ATG2A: variants seen among roughly 807,000 people sequenced by gnomAD.
ATG2A encodes the protein autophagy related 2A, also known as autophagy-related protein 2 homolog A.
Under a neutral mutation model 214.2 loss-of-function variants are expected in ATG2A, and 103 were observed. That is an observed-to-expected ratio of 0.48 (90% CI 0.41 to 0.57). The LOEUF (loss-of-function observed/expected upper bound fraction) is 0.57. Ranked by LOEUF, ATG2A falls within the 20% of genes least tolerant of loss-of-function variation. The probability of loss-of-function intolerance (pLI) is 0.00; values close to 1 mark genes in which losing one functional copy is unlikely to be tolerated. For synonymous variants in ATG2A, 1,160 were observed against 1,142.1 expected, an observed-to-expected ratio of 1.02 and a Z score of -0.32; for missense variants, 2,312 against 2,613.2, an observed-to-expected ratio of 0.88 and a Z score of 2.51.
chr11:64,913,372 TC>T lies in ATG2A; in HGVS notation c.619del (p.Asp207ThrfsTer55), dbSNP rs1021493600. 6.3e-7 allele frequency: 1 copy of T among 1,597,354 alleles called. No homozygotes were observed. Among genetic ancestry groups the T allele is most frequent in the African/African-American group, 1.3e-5 (1 of 74,610 alleles). On this transcript the variant is annotated frameshift_variant, in exon 5 of 41. Coordinates refer to ENST00000377264, the MANE Select transcript of ATG2A (RefSeq NM_015104.3). LOFTEE classifies it high-confidence loss of function. The surrounding 1 kb of genome is among the most constrained non-coding windows in gnomAD (Gnocchi z 4.3). ...RLEYCDEAVR[D>X]PSQAPPVDVH... ...GTCCACCGGCGGCGCCTGGCTTGGG[TC>T]CCGCACTGCCTCATCACAGTACTCC...
Position 64,903,824 on chromosome 11 carries a change from G to C in ATG2A, c.3465-164C>G, listed in dbSNP as rs1313634280. On this transcript the variant is annotated intron_variant, in intron 24 of 40. Transcript: ENST00000377264. This position sits in a 1 kb window ranked among gnomAD's most constrained non-coding sequence, Gnocchi z 4.2. ...GGGGAGAAGGCCCAGACAGCAGGCAGTGGGAAGCGGGCAGCACTTGCAGCT... is the reference window on the plus strand; with the variant it reads ...GGGGAGAAGGCCCAGACAGCAGGCACTGGGAAGCGGGCAGCACTTGCAGCT... 6.6e-6 allele frequency among the ~76,000 whole-genome samples: 1 copy of C among 152,260 alleles called. No homozygotes were observed. The highest frequency in any genetic ancestry group is 6.5e-5 in the Admixed American group (1 of 15,288).
chr11:64,900,824 A>G (rs1590628369), intron 30 of ATG2A, 60 bp downstream of exon 30: 2 of 1,518,720 alleles, frequency 1.3e-6, no homozygotes, highest in Middle Eastern at 2.3e-4. Context: ...TGAAAGTCAG[A>G]CCTGGACCAG....
rs1435010194 is a variant in ATG2A at position 64,907,671 on chromosome 11, T to C, written c.2508-7A>G. On this transcript the variant is annotated splice_polypyrimidine_tract_variant and splice_region_variant and intron_variant, in intron 17 of 40. Coordinates refer to ENST00000377264, the MANE Select transcript of ATG2A (RefSeq NM_015104.3). ...GAGCAGGTCGTTGTTGATCCTGAGA[T>C]AGGCGGGTGGACAGCAGGTAAGGGA... 4 of 1,595,622 alleles carry C rather than the reference T, an allele frequency of 2.5e-6. No homozygotes were observed. Among genetic ancestry groups the C allele is most frequent in the South Asian group, 1.1e-5 (1 of 89,380 alleles).
chr11:64,895,712 GACC>G lies in ATG2A; in HGVS notation c.5428-273_5428-271del, dbSNP rs1673821392. On this transcript the variant is annotated intron_variant, in intron 39 of 40. Transcript: ENST00000377264. The surrounding 1 kb of genome is among the most constrained non-coding windows in gnomAD (Gnocchi z 5.0). ...CTCAACCCAAACCTCTCTTCCTGCT[GACC>G]ACCACATTCAGCAGGTTCCACATGG... Among the ~76,000 whole-genome samples, 1 of 152,148 alleles carries G rather than the reference GACC, an allele frequency of 6.6e-6. No homozygotes were observed. Among genetic ancestry groups the G allele is most frequent in the Non-Finnish European group, 1.5e-5 (1 of 68,006 alleles).
At chr11:64,907,106 G>A in intron 19 of ATG2A, 149 bp downstream of exon 19, 1 of 998,972 alleles carries the variant, frequency 1.0e-6, no homozygotes. Context: ...GCTGTGACAG[G>A]GTGGGCAGGC....
rs771139054 is a variant in ATG2A at position 64,909,362 on chromosome 11, A to C, written c.2113T>G (p.Tyr705Asp). 6.2e-7 allele frequency: 1 copy of C among 1,612,728 alleles called. No individual in the cohort carries two copies. The highest frequency in any genetic ancestry group is 8.5e-7 in the Non-Finnish European group (1 of 1,179,626). ...ACAGGTGGCTTCCCTCCATCTTCAT[A>C]GATACCTGGAGGGGGATGGGGAATT... The part of the protein sequence containing the change: ...ELTCSDLHGI[Y>D]EDGGKPPVPC... Residue 705 changes from tyrosine to aspartate, a missense_variant, in exon 15 of 41, where the codon TAT becomes GAT. Transcript: ENST00000377264.
Position 64,912,157 on chromosome 11 carries a change from G to A in ATG2A, c.1015C>T (p.Gln339Ter), listed in dbSNP as rs1944797792. The A allele has an allele frequency of 6.2e-7, 1 of 1,614,000 alleles. No homozygotes were observed. Among genetic ancestry groups the A allele is most frequent in the Non-Finnish European group, 8.5e-7 (1 of 1,180,024 alleles). The change falls in exon 8 of 41, where the codon CAG (glutamine) becomes TAG (stop). Residue 339 changes from glutamine to a stop codon, truncating the protein, a stop_gained. Transcript: ENST00000377264. LOFTEE classifies it high-confidence loss of function. ...AGGGGCTCAGCCACTGCCCCTGCCT[G>A]CAGCTGCTGGTTCAGGTCCTGCTCA... The part of the protein sequence containing the change: ...LIEQDLNQQL[Q>*]AGAVAEPLSP...
rs200472271 is a variant in ATG2A, at chr11:64,903,689, C to G, written c.3465-29G>C. The G allele has an allele frequency of 9.7e-6, 15 of 1,542,332 alleles. No individual in the cohort carries two copies. Among genetic ancestry groups the G allele is most frequent in the Non-Finnish European group, 1.3e-5 (15 of 1,141,598 alleles). On this transcript the variant is annotated intron_variant, in intron 24 of 40. Coordinates refer to ENST00000377264, the MANE Select transcript of ATG2A (RefSeq NM_015104.3). This position sits in a 1 kb window ranked among gnomAD's most constrained non-coding sequence, Gnocchi z 4.2. ...GGGGGGAACAGGGCTGAGAAGGGCCCGGGCACCGCTGCAGGGGGCAGCTCC... is the reference window on the plus strand; with the variant it reads ...GGGGGGAACAGGGCTGAGAAGGGCCGGGGCACCGCTGCAGGGGGCAGCTCC...
intron 1 of ATG2A, 44 bp downstream of exon 1, chr11:64,916,921 C>T (rs1434876001): frequency 4.4e-6 from 7 of 1,606,268 alleles, no homozygotes; most frequent in Middle Eastern, 1.7e-4. Flanking sequence ...GGTCGCTGCG[C>T]TCCCACCCTC....
At chr11:64,897,056 C>T (rs953090787) in intron 37 of ATG2A, 187 bp from the exon 38 acceptor site, 31 of 869,148 alleles carry the variant, frequency 3.6e-5, no homozygotes, top group Admixed American at 1.8e-4. Flanking sequence ...AGTCTTGCTC[C>T]GTTGCCCAGG....
chr11:64,909,037 T>TCA lies in ATG2A; in HGVS notation c.2316_2317dup (p.Glu773ValfsTer19). On this transcript the variant is annotated frameshift_variant, in exon 16 of 41. Transcript: ENST00000377264. LOFTEE classifies it high-confidence loss of function. ...CCTCTTAGAGGAGAAGGGCGAGGGC[T>TCA]CAGGTTCCCGCAGCTCACAGGGACT... 1 of 1,612,280 alleles carries TCA rather than the reference T, an allele frequency of 6.2e-7. No homozygotes were observed. Among genetic ancestry groups the TCA allele is most frequent in the Non-Finnish European group, 8.5e-7 (1 of 1,179,582 alleles).
At position 64,897,473 on chromosome 11, in the gene ATG2A, T is replaced by A. The variant is rs373032788; in HGVS notation, c.5089A>T (p.Ile1697Phe). 2 of 1,578,846 alleles carry A rather than the reference T, an allele frequency of 1.3e-6. No homozygotes were observed. The highest frequency in any genetic ancestry group is 2.3e-5 in the East Asian group (1 of 43,074). The change falls in exon 37 of 41, where the codon ATC becomes TTC. Residue 1697 changes from isoleucine to phenylalanine, a missense_variant. Coordinates refer to ENST00000377264, the MANE Select transcript of ATG2A (RefSeq NM_015104.3). ...DQVGTFAGLL[I>F]GLAQLNCSEL... ...GAGCAGTTGAGTTGGGCCAGGCCGA[T>A]GAGGAGGCCAGCAAAAGTGCCCTGG...
In ATG2A at chr11:64,897,953, TGGGCTCGAGTCTCG is replaced by T. The variant is rs771799588; in HGVS notation, c.4866_4879del (p.Glu1623AlafsTer31). 1 of 1,549,604 alleles carries T rather than the reference TGGGCTCGAGTCTCG, an allele frequency of 6.5e-7. No individual in the cohort carries two copies. The highest frequency in any genetic ancestry group is 2.3e-5 in the East Asian group (1 of 44,408). On this transcript the variant is annotated frameshift_variant, in exon 35 of 41. Transcript: ENST00000377264. LOFTEE classifies it high-confidence loss of function. Reference sequence around the variant, plus strand: ...CTGCCCTTCCAGGGGGCTGCTGGGCTGGGCTCGAGTCTCGGGGCGAGCTAGGGGAGGGGAGGTCA... The same window carrying T: ...CTGCCCTTCCAGGGGGCTGCTGGGCTGGGCGAGCTAGGGGAGGGGAGGTCA...
intron 9 of ATG2A, 150 bp downstream of exon 9, chr11:64,911,692 C>T: frequency 1.8e-6 from 2 of 1,141,172 alleles, no homozygotes; most frequent in South Asian, 3.2e-5. Flanking sequence ...CACCAGCTCC[C>T]ACCTTGTTTG....
intron 37 of ATG2A, 103 bp downstream of exon 37, chr11:64,897,309 C>G: frequency 1.5e-6 from 2 of 1,364,620 alleles, no homozygotes; most frequent in African/African-American, 1.5e-5. Context: ...AAACTGAGGC[C>G]CTGAGAAGGG....
intron 26 of ATG2A, 40 bp from the exon 27 acceptor site, chr11:64,902,720 G>A (rs1384187743): frequency 3.2e-6 from 5 of 1,584,688 alleles, no homozygotes. Context: ...TGTGAACACA[G>A]GGGCCACTGC....
In ATG2A at chr11:64,896,722, G is replaced by C. The variant is rs150740265; in HGVS notation, c.5272+26C>G. Reference sequence around the variant, plus strand: ...GTTGCCCAAGGGTAAAAGCAGTTTCGAGGGCTTCCAAACCTAGACACTCAC... The same window carrying C: ...GTTGCCCAAGGGTAAAAGCAGTTTCCAGGGCTTCCAAACCTAGACACTCAC... On this transcript the variant is annotated intron_variant, in intron 38 of 40. Coordinates refer to ENST00000377264, the MANE Select transcript of ATG2A (RefSeq NM_015104.3). 1,153 of 1,612,438 alleles carry C rather than the reference G, an allele frequency of 7.2e-4. 4 individuals carry two copies. Among genetic ancestry groups the C allele is most frequent in the Middle Eastern group, 6.8e-3 (41 of 6,056 alleles).
chr11:64,897,400 C>G lies in ATG2A; in HGVS notation c.5150+12G>C. ...GGGACCCTGGAGAGAGGCTGGGGTG[C>G]TGGGGACTCACCCGTGCCTGCAACA... On this transcript the variant is annotated intron_variant, in intron 37 of 40. Transcript: ENST00000377264. 1 of 1,557,066 alleles carries G rather than the reference C, an allele frequency of 6.4e-7. No individual in the cohort carries two copies. The highest frequency in any genetic ancestry group is 8.7e-7 in the Non-Finnish European group (1 of 1,150,092).
At chr11:64,901,651 G>A (rs1482697143) in intron 29 of ATG2A, among the ~76,000 whole-genome samples, 1 of 152,096 alleles carries the variant, frequency 6.6e-6, no homozygotes, top group African/African-American at 2.4e-5. Flanking sequence ...GCAGCCACAT[G>A]GTTCTCCATC....
Sources: allele counts gnomAD v4.1 joint callset (sites outside exome capture counted in the v4.1 genomes callset), GRCh38; gene constraint gnomAD v4.1.1; non-coding constraint Gnocchi (gnomAD v3.1); transcripts MANE v1.5; gene names NCBI Gene and HGNC (gene_info 2026-07-23, HGNC 2026-07-21).